Variants in SF3B3 observed in about 807,000 individuals in gnomAD.
The protein encoded by SF3B3 is splicing factor 3b subunit 3, also known as SAP 130.
A neutral mutation model predicts 139.2 loss-of-function variants in SF3B3; 33 were observed. That is an observed-to-expected ratio of 0.24 (90% CI 0.18 to 0.32). SF3B3 has a LOEUF of 0.32. SF3B3 is among the 10% of genes least tolerant of loss of function. SF3B3 has a pLI of 1.00. For synonymous variants in SF3B3, 596 were observed against 563.6 expected, an observed-to-expected ratio of 1.06 and a Z score of -0.81; for missense variants, 818 against 1,509.4, an observed-to-expected ratio of 0.54 and a Z score of 7.59.
At chr16:70,532,357 C>CA (rs10524385) in intron 4 of SF3B3, 122 bp from the exon 5 acceptor site, 7,447 of 507,082 alleles carry the variant, frequency 0.015, 6 homozygotes, top group Non-Finnish European at 0.017. Flanking sequence ...CCTGTCTCTC[C>CA]AAAAAAAAAA....
chr16:70,557,083 A>T (rs2050385795), intron 15 of SF3B3, 54 bp downstream of exon 15: 1 of 1,518,476 alleles, frequency 6.6e-7, no homozygotes, highest in Non-Finnish European at 8.8e-7. Context: ...TACGTTTCAC[A>T]CACTCCTTTG....
chr16:70,571,181 C>T lies in SF3B3; in HGVS notation c.3495C>T (p.Ser1165=). Residue 1165 remains serine (S), a synonymous_variant, in exon 25 of 26, where the codon TCC becomes TCT. Coordinates refer to ENST00000302516, the MANE Select transcript of SF3B3 (RefSeq NM_012426.5). Reference sequence around the variant, plus strand: ...GGCGGGACCACCTCAGCTTTCGCTCCTACTACTTCCCTGTGAAGGTAGGTT... The same window carrying T: ...GGCGGGACCACCTCAGCTTTCGCTCTTACTACTTCCCTGTGAAGGTAGGTT... ...LCGRDHLSFR[S]YYFPVKNVID... is the part of the protein sequence containing the mutation. 6.2e-7 allele frequency: 1 copy of T among 1,612,182 alleles called. No homozygotes were observed. Among genetic ancestry groups the T allele is most frequent in the Non-Finnish European group, 8.5e-7 (1 of 1,178,246 alleles).
Position 70,568,371 on chromosome 16 carries a change from A to G in SF3B3, c.3041A>G (p.Tyr1014Cys). The change falls in exon 22 of 26, where the codon TAC becomes TGC. Residue 1014 changes from tyrosine (Y) to cysteine (C), a missense_variant. Around this residue, in one of 14 missense-constraint regions of SF3B3, gnomAD observed 91 missense variants for 171.8 expected, o/e 0.53. Coordinates refer to ENST00000302516, the MANE Select transcript of SF3B3 (RefSeq NM_012426.5). ...DVQESFIWVR[Y>C]KRNENQLIIF... is the part of the protein sequence containing the mutation. ...CAAGAAAGTTTCATCTGGGTTCGCT[A>G]CAAGCGTAATGAAAACCAGCTTATC... 6.2e-7 allele frequency: 1 copy of G among 1,613,984 alleles called. No individual in the cohort carries two copies. Among genetic ancestry groups the G allele is most frequent in the Non-Finnish European group, 8.5e-7 (1 of 1,179,826 alleles).
chr16:70,542,487 T>A (rs1452273822), intron 9 of SF3B3, among the ~76,000 whole-genome samples: 1 of 152,182 alleles, frequency 6.6e-6, no homozygotes, highest in Non-Finnish European at 1.5e-5. Flanking sequence ...AATTTGATCA[T>A]GTTGCTGCAT....
intron 4 of SF3B3, 26 bp downstream of exon 4, chr16:70,530,943 T>C: frequency 6.3e-7 from 1 of 1,579,148 alleles, no homozygotes; most frequent in South Asian, 1.2e-5. Context: ...TCTCTTTGCG[T>C]TTCTTTCAGT....
rs372670030 is a variant in SF3B3 at position 70,529,180 on chromosome 16, A to AG, written c.381dup (p.Arg128AlafsTer6). On this transcript the variant is annotated frameshift_variant, in exon 3 of 26. Coordinates refer to ENST00000302516, the MANE Select transcript of SF3B3 (RefSeq NM_012426.5). LOFTEE classifies it high-confidence loss of function. ...GCCAGTTCTTAGCTGTGGATCCCAA[A>AG]GGGCGAGCCGTTATGATTAGTAAGT... is the stretch of plus-strand genomic sequence containing the variant. 2 of 1,576,214 alleles carry AG rather than the reference A, an allele frequency of 1.3e-6. No individual in the cohort carries two copies. Among genetic ancestry groups the AG allele is most frequent in the South Asian group, 2.3e-5 (2 of 86,490 alleles).
At chr16:70,567,256 G>C (rs1422595299) in intron 20 of SF3B3, among the ~76,000 whole-genome samples, 155 bp from the exon 21 acceptor site, 1 of 152,172 alleles carries the variant, frequency 6.6e-6, no homozygotes, top group African/African-American at 2.4e-5. Context: ...TGCGGAACTT[G>C]TTCACCCCAA....
In SF3B3 at chr16:70,565,208, G is replaced by A. The variant is rs2050463963; in HGVS notation, c.2607G>A (p.Met869Ile). The change falls in exon 19 of 26, where the codon ATG (methionine) becomes ATA (isoleucine). Residue 869 changes from methionine (M) to isoleucine (I), a missense_variant. Met to Ile is a conservative substitution (Grantham distance 10). Transcript: ENST00000302516. ...NGQWASVIRV[M>I]NPIQGNTLDL... is the part of the protein sequence containing the mutation. ...AGTGGGCCTCTGTGATCCGAGTGATGAATCCCATTCAAGGGAACACACTGG... is the reference window on the plus strand; with the variant it reads ...AGTGGGCCTCTGTGATCCGAGTGATAAATCCCATTCAAGGGAACACACTGG... 2.5e-6 allele frequency: 4 copies of A among 1,614,072 alleles called. No individual in the cohort carries two copies. Among genetic ancestry groups the A allele is most frequent in the Non-Finnish European group, 3.4e-6 (4 of 1,180,038 alleles).
rs1162922741 is a variant in SF3B3, at chr16:70,576,746, T to A, written c.*4933T>A. The A allele has an allele frequency of 6.6e-6, 1 of 152,186 alleles. No homozygotes were observed. The highest frequency in any genetic ancestry group is 2.4e-5 in the African/African-American group (1 of 41,442). The allele number at this position is 152,186 out of a possible 1,614,324, so 9.4% of individuals were successfully genotyped here. A position where few individuals can be genotyped will look rare whatever the true frequency, so the allele number is the denominator to read the frequency against. On this transcript the variant is annotated 3_prime_UTR_variant, in exon 26 of 26. Transcript: ENST00000302516. ...AAATGCCAAGAGGCAGCAAAGTCCA[T>A]GAAGAGAGCACTGTATACAGTCAGA... is the stretch of plus-strand genomic sequence containing the variant.
intron 6 of SF3B3, among the ~76,000 whole-genome samples, chr16:70,537,381 A>G (rs1317806106): frequency 3.3e-5 from 5 of 152,126 alleles, no homozygotes; most frequent in Non-Finnish European, 5.9e-5. Context: ...CTTTGAGACT[A>G]ATGAATATCC....
At position 70,548,447 on chromosome 16, in the gene SF3B3, G is replaced by A; in HGVS notation, c.1402+5G>A. The A allele has an allele frequency of 6.2e-7, 1 of 1,613,520 alleles. No homozygotes were observed. The highest frequency in any genetic ancestry group is 8.5e-7 in the Non-Finnish European group (1 of 1,179,806). ...CAGTGCGTCGACACATTGAAGGTAA[G>A]CAGCTTTTTCCCAATAGTCAAAATG... On this transcript the variant is annotated splice_donor_5th_base_variant and intron_variant, in intron 11 of 25. Transcript: ENST00000302516.
At chr16:70,571,288 G>C (rs2050526875) in intron 25 of SF3B3, 89 bp downstream of exon 25, 4 of 973,968 alleles carry the variant, frequency 4.1e-6, no homozygotes, top group Admixed American at 3.7e-5. Flanking sequence ...CAGGGAGGGT[G>C]CTCCCCTCAG....
chr16:70,563,667 T>G, intron 17 of SF3B3: 2 of 541,034 alleles, frequency 3.7e-6, no homozygotes, highest in Admixed American at 3.4e-5. Flanking sequence ...TGAATTGTGG[T>G]AGGGTGTTGC....
At position 70,544,467 on chromosome 16, in the gene SF3B3, A is replaced by G. The variant is rs758524654; in HGVS notation, c.1263A>G (p.Pro421=). 3.7e-6 allele frequency: 6 copies of G among 1,612,778 alleles called. No homozygotes were observed. In the South Asian group the frequency reaches 6.6e-5, roughly 18 times the overall value. Residue 421 remains proline, a synonymous_variant, in exon 10 of 26, where the codon CCA becomes CCG. Coordinates refer to ENST00000302516, the MANE Select transcript of SF3B3 (RefSeq NM_012426.5). ...QIADLANEDT[P]QLYVACGRGP... ...CTGATCTGGCCAATGAAGATACTCC[A>G]CAGTTGTATGTGGCCTGTGGTAGGG...
chr16:70,567,422 A>G lies in SF3B3; in HGVS notation c.2838A>G (p.Glu946=), dbSNP rs115321103. ...CTTTTCCTCTATAGACTCCTGTGGA[A>G]GAGGTCCCTGCTGCTATTGCCCCAT... ...KLEFLHKTPV[E]EVPAAIAPFQ... Residue 946 remains glutamate, a synonymous_variant, in exon 21 of 26, where the codon GAA becomes GAG. Coordinates refer to ENST00000302516, the MANE Select transcript of SF3B3 (RefSeq NM_012426.5). 509 of 1,613,810 alleles carry G rather than the reference A, an allele frequency of 3.2e-4. 2 individuals carry two copies. In the African/African-American group the frequency reaches 6.2e-3, roughly 20 times the overall value.
At chr16:70,528,312 G>A (rs866244959) in intron 2 of SF3B3, among the ~76,000 whole-genome samples, 4 of 150,866 alleles carry the variant, frequency 2.7e-5, no homozygotes, top group East Asian at 2.0e-4. Context: ...TTATAGGCAC[G>A]TGCCACCACA....
chr16:70,568,257 A>C lies in SF3B3; in HGVS notation c.2953-26A>C, dbSNP rs759974646. 2.6e-6 allele frequency: 4 copies of C among 1,552,994 alleles called. No homozygotes were observed. The South Asian group carries it at 4.5e-5, about 17-fold the overall frequency. ...TCTGAACCCCAAGATTACACCCACC[A>C]TCACTATTGTCTTTGTTTTTCCCAG... On this transcript the variant is annotated intron_variant, in intron 21 of 25. Coordinates refer to ENST00000302516, the MANE Select transcript of SF3B3 (RefSeq NM_012426.5).
At chr16:70,533,994 C>T (rs1003844933) in intron 5 of SF3B3, among the ~76,000 whole-genome samples, 2 of 152,094 alleles carry the variant, frequency 1.3e-5, no homozygotes, top group East Asian at 3.8e-4. Flanking sequence ...GACGTGGTGC[C>T]GCCTTTGTGC....
In SF3B3 at chr16:70,544,538, G is replaced by A. The variant is rs1254126855; in HGVS notation, c.1329+5G>A. ...GTCCTAAGACATGGACTTGAGGTAA[G>A]GTTGCAATTTCTAGATAATCTGCAG... is the stretch of plus-strand genomic sequence containing the variant. On this transcript the variant is annotated splice_donor_5th_base_variant and intron_variant, in intron 10 of 25. Transcript: ENST00000302516. 3.2e-6 allele frequency: 5 copies of A among 1,571,688 alleles called. No individual in the cohort carries two copies. Among genetic ancestry groups the A allele is most frequent in the Non-Finnish European group, 8.8e-7 (1 of 1,141,556 alleles).
Sources: gnomAD v4.1 joint callset for allele counts (sites outside exome capture counted in the v4.1 genomes callset) on GRCh38, gnomAD v4.1.1 for gene constraint, gnomAD v4.1.1 regional missense constraint, MANE v1.5 for transcripts, NCBI Gene and HGNC (gene_info 2026-07-23, HGNC 2026-07-21) for gene names.